The following GTF2F2 variants were observed in gnomAD, a reference collection of about 807,000 sequenced individuals.
The protein encoded by GTF2F2 is ATP-dependent helicase GTF2F2.
A neutral mutation model predicts 42.2 loss-of-function variants in GTF2F2; 23 were observed. The observed-to-expected ratio is 0.55, with a 90% CI of 0.39 to 0.77. GTF2F2 has a LOEUF of 0.77. Among genes scored for constraint, GTF2F2 ranks in the 30% least tolerant of loss-of-function variants. The pLI, the probability that GTF2F2 is intolerant of heterozygous loss-of-function variation, is 0.00. For missense variants in GTF2F2, 261 were observed against 287.2 expected, an observed-to-expected ratio of 0.91 and a Z score of 0.66; for synonymous variants, 105 against 100.8, an observed-to-expected ratio of 1.04 and a Z score of -0.25.
intron 5 of GTF2F2, among the ~76,000 whole-genome samples, chr13:45,221,795 C>CT (rs1201708153): frequency 2.6e-5 from 4 of 152,194 alleles, no homozygotes; most frequent in Non-Finnish European, 1.5e-5. Flanking sequence ...GATCCTGAAG[C>CT]TTTTTTAACC....
chr13:45,173,732 C>T (rs887137530), intron 4 of GTF2F2, among the ~76,000 whole-genome samples: 1 of 150,944 alleles, frequency 6.6e-6, no homozygotes, highest in Non-Finnish European at 1.5e-5. Context: ...ATTCTCCTGC[C>T]TCAGCCCCCC....
intron 4 of GTF2F2, among the ~76,000 whole-genome samples, chr13:45,180,212 T>A (rs576211882): frequency 6.6e-6 from 1 of 152,306 alleles, no homozygotes; most frequent in African/African-American, 2.4e-5. Context: ...TGTACTTTCT[T>A]CTTGGCTTTT....
chr13:45,261,265 A>G (rs1379148032), intron 6 of GTF2F2, among the ~76,000 whole-genome samples: 2 of 151,770 alleles, frequency 1.3e-5, no homozygotes, highest in Non-Finnish European at 2.9e-5. Context: ...TCTTTACTGA[A>G]AATACAAAAA....
At chr13:45,246,202 G>A (rs1296375726) in intron 5 of GTF2F2, among the ~76,000 whole-genome samples, 5 of 151,552 alleles carry the variant, frequency 3.3e-5, no homozygotes, top group African/African-American at 9.7e-5. Flanking sequence ...TAGTAGAGAC[G>A]GGGTTTCATC....
Position 45,202,009 on chromosome 13 carries a change from A to G in GTF2F2, c.305-5415A>G, listed in dbSNP as rs1177308864. On this transcript the variant is annotated intron_variant, in intron 4 of 7. Coordinates refer to ENST00000340473, the MANE Select transcript of GTF2F2 (RefSeq NM_004128.3). ...CACAGAGGCCATTCCTACCACCTTC[A>G]GTACTCTTCCTTCTTACCCCCACCC... 2.6e-5 allele frequency among the ~76,000 whole-genome samples: 4 copies of G among 152,146 alleles called. No individual in the cohort carries two copies. In the East Asian group the frequency reaches 5.8e-4, roughly 22 times the overall value.
At chr13:45,121,767 G>T (rs1350856808) in intron 1 of GTF2F2, among the ~76,000 whole-genome samples, 2 of 152,142 alleles carry the variant, frequency 1.3e-5, no homozygotes, top group Non-Finnish European at 2.9e-5. Context: ...ATGAATAAAT[G>T]CATGACCTCT....
intron 6 of GTF2F2, among the ~76,000 whole-genome samples, chr13:45,264,272 A>ATTTTTATT (rs1201062928): frequency 1.3e-5 from 2 of 150,810 alleles, no homozygotes; most frequent in Admixed American, 6.6e-5. Context: ...TTTATTTTTT[A>ATTTTTATT]TTTTTATTTT....
chr13:45,179,134 C>A (rs1872026701), intron 4 of GTF2F2, among the ~76,000 whole-genome samples: 1 of 152,182 alleles, frequency 6.6e-6, no homozygotes, highest in African/African-American at 2.4e-5. Context: ...TTGGTCACAG[C>A]AAGTCACAGG....
At chr13:45,262,885 C>T (rs969306793) in intron 6 of GTF2F2, among the ~76,000 whole-genome samples, 1 of 152,050 alleles carries the variant, frequency 6.6e-6, no homozygotes. Context: ...GCTGGGACTA[C>T]AGGCTCGTTC....
chr13:45,208,262 T>C (rs1873498329), intron 5 of GTF2F2, among the ~76,000 whole-genome samples: 1 of 152,188 alleles, frequency 6.6e-6, no homozygotes, highest in Admixed American at 6.5e-5. Flanking sequence ...CCCTGCCCCC[T>C]AAATTTTTAT....
Position 45,150,188 on chromosome 13 carries a change from T to C in GTF2F2, c.159+400T>C, listed in dbSNP as rs555660805. Among the ~76,000 whole-genome samples the C allele has an allele frequency of 5.3e-5, 8 of 152,354 alleles. No homozygotes were observed. In the South Asian group the frequency reaches 1.7e-3, roughly 32 times the overall value. ...GTAGAGATGTTTAATAAATACTTCA[T>C]AATCTTCCTACATGCTTGGGAGATG... On this transcript the variant is annotated intron_variant, in intron 3 of 7. Coordinates refer to ENST00000340473, the MANE Select transcript of GTF2F2 (RefSeq NM_004128.3).
In GTF2F2 at chr13:45,188,021, G is replaced by A. The variant is rs566778680; in HGVS notation, c.305-19403G>A. On this transcript the variant is annotated intron_variant, in intron 4 of 7. Transcript: ENST00000340473. The stretch of plus-strand genomic sequence containing the variant: ...CCTGGGTTCTAGCGATTCTCATGCC[G>A]CAGCCTCCCAAGTAGCTCAGATTAC... Among the ~76,000 whole-genome samples the A allele has an allele frequency of 2.8e-4, 42 of 152,120 alleles. 1 individual carries two copies. In the South Asian group the frequency reaches 6.8e-3, roughly 25 times the overall value.
chr13:45,261,109 GAGTGAGACCCCATCTCAAAAA>G (rs1246077947), intron 6 of GTF2F2, among the ~76,000 whole-genome samples: 1 of 152,006 alleles, frequency 6.6e-6, no homozygotes, highest in Non-Finnish European at 1.5e-5. Context: ...CTAAGCAACA[GAGTGAGACCCCATCTCAAAAA>G]AGAAAAGGTT....
intron 5 of GTF2F2, among the ~76,000 whole-genome samples, chr13:45,209,280 G>A (rs1453134712): frequency 2.0e-5 from 3 of 152,146 alleles, no homozygotes; most frequent in Non-Finnish European, 4.4e-5. Context: ...TTGTGTTACA[G>A]TTGCCTACAG....
chr13:45,273,153 C>G (rs1333039410), intron 7 of GTF2F2, among the ~76,000 whole-genome samples: 1 of 151,520 alleles, frequency 6.6e-6, no homozygotes, highest in Non-Finnish European at 1.5e-5. Flanking sequence ...GTCCTGAACT[C>G]CTGACCTCAT....
intron 4 of GTF2F2, among the ~76,000 whole-genome samples, chr13:45,182,153 GTTGTT>G (rs983746917): frequency 2.6e-5 from 4 of 151,986 alleles, no homozygotes; most frequent in African/African-American, 9.7e-5. Context: ...CTTTCCTAGT[GTTGTT>G]TATTTGTTTG....
chr13:45,202,273 G>C (rs1873226816), intron 4 of GTF2F2, among the ~76,000 whole-genome samples: 2 of 152,176 alleles, frequency 1.3e-5, no homozygotes, highest in South Asian at 4.1e-4. Context: ...TGTAATCCCA[G>C]CTACCCAGGA....
At chr13:45,274,206 A>C (rs1176052098) in intron 7 of GTF2F2, among the ~76,000 whole-genome samples, 3 of 151,972 alleles carry the variant, frequency 2.0e-5, no homozygotes, top group African/African-American at 7.3e-5. Flanking sequence ...TATTGGATAT[A>C]TTACATTACC....
In GTF2F2 at chr13:45,283,592, G is replaced by T; in HGVS notation, c.*31G>T. 1.3e-6 allele frequency: 2 copies of T among 1,562,502 alleles called. No homozygotes were observed. The highest frequency in any genetic ancestry group is 2.4e-5 in the South Asian group (2 of 81,920). On this transcript the variant is annotated 3_prime_UTR_variant, in exon 8 of 8. Transcript: ENST00000340473. ...CTCCTAGCCAGCATGCTAGTGAAACGACTAGCAGCGATGCTATGCAAAAGG... is the reference window on the plus strand; with the variant it reads ...CTCCTAGCCAGCATGCTAGTGAAACTACTAGCAGCGATGCTATGCAAAAGG...
Sources: allele counts gnomAD v4.1 joint callset (sites outside exome capture counted in the v4.1 genomes callset), GRCh38; gene constraint gnomAD v4.1.1; transcripts MANE v1.5; gene names NCBI Gene and HGNC (gene_info 2026-07-23, HGNC 2026-07-21).